The following LIFR variants were observed in gnomAD, a reference collection of about 807,000 sequenced individuals.
LIFR encodes LIF receptor subunit alpha.
Under a neutral mutation model 122.2 loss-of-function variants are expected in LIFR, and 84 were observed. The ratio of observed to expected loss-of-function variants is 0.69; its 90% CI spans 0.58 to 0.82. The LOEUF is 0.82. Among genes scored for constraint, LIFR ranks in the 40% least tolerant of loss-of-function variants. LIFR has a pLI of 0.00. For missense variants in LIFR, 1,294 were observed against 1,311.6 expected, an observed-to-expected ratio of 0.99 and a Z score of 0.21; for synonymous variants, 422 against 434.7, an observed-to-expected ratio of 0.97 and a Z score of 0.36.
rs1284035304 is a variant in LIFR, at chr5:38,479,010, A to T, written c.*2585T>A. The stretch of plus-strand genomic sequence containing the variant: ...ACCACCTTGTAAATGCAGGCATGCA[A>T]CCTTCATTGACAAACAGCGCACATT... On this transcript the variant is annotated 3_prime_UTR_variant, in exon 20 of 20. Coordinates refer to ENST00000453190, the MANE Select transcript of LIFR (RefSeq NM_001127671.2). The T allele has an allele frequency of 8.6e-5, 20 of 231,514 alleles. No homozygotes were observed. In the East Asian group the frequency reaches 1.2e-3, roughly 14 times the overall value. 14.3% of individuals were successfully genotyped at this position (231,514 alleles called of 1,614,324 possible).
chr5:38,516,173 T>C (rs1418461606), intron 5 of LIFR, among the ~76,000 whole-genome samples: 1 of 152,184 alleles, frequency 6.6e-6, no homozygotes, highest in Non-Finnish European at 1.5e-5. Flanking sequence ...TAGAATGAGC[T>C]ATATGGTTTT....
Position 38,484,806 on chromosome 5 carries a change from T to C in LIFR, c.2560A>G (p.Thr854Ala). ...VAVAVIVGVVTSILCYRKREW... is the reference protein window; with the variant it reads ...VAVAVIVGVVASILCYRKREW... ...CGTTTCCGATAGCAAAGGATACTTG[T>C]CACCACTCCAACAATGACAGCCACT... Residue 854 changes from threonine to alanine, a missense_variant, in exon 18 of 20, where the codon ACA becomes GCA. Transcript: ENST00000453190. The C allele has an allele frequency of 6.2e-7, 1 of 1,613,656 alleles. No individual in the cohort carries two copies. Among genetic ancestry groups the C allele is most frequent in the Non-Finnish European group, 8.5e-7 (1 of 1,179,588 alleles).
At chr5:38,505,217 A>T (rs1008533898) in intron 9 of LIFR, among the ~76,000 whole-genome samples, 5 of 152,170 alleles carry the variant, frequency 3.3e-5, no homozygotes, top group African/African-American at 9.7e-5. Flanking sequence ...TTATGTAACA[A>T]TCTCAAACTG....
At chr5:38,605,248 G>A (rs1181474767) in intron 2 of LIFR, among the ~76,000 whole-genome samples, 1 of 152,034 alleles carries the variant, frequency 6.6e-6, no homozygotes, top group African/African-American at 2.4e-5. Context: ...TTGGTTTGCA[G>A]TTTTACGGAC....
rs1468532986 is a variant in LIFR, at chr5:38,481,681, T to C, written c.3208A>G (p.Ile1070Val). The change falls in exon 20 of 20, where the codon ATT becomes GTT. Residue 1070 changes from isoleucine to valine, a missense_variant. Physicochemically the swap from Ile to Val is conservative, Grantham distance 29. Coordinates refer to ENST00000453190, the MANE Select transcript of LIFR (RefSeq NM_001127671.2). ...GGAGAGTCTTCATCTTTAGGAGGAA[T>C]CAAAAATTGTCGGGAATTAATGGAG... ...PCSINSRQFL[I>V]PPKDEDSPKS... 6.2e-7 allele frequency: 1 copy of C among 1,614,158 alleles called. No individual in the cohort carries two copies. The highest frequency in any genetic ancestry group is 1.7e-5 in the Admixed American group (1 of 60,020).
chr5:38,521,519 G>A (rs943249404), intron 5 of LIFR, among the ~76,000 whole-genome samples: 1 of 152,156 alleles, frequency 6.6e-6, no homozygotes, highest in Non-Finnish European at 1.5e-5. Flanking sequence ...GTGGTAAGCC[G>A]AGTATGCCTG....
chr5:38,603,467 A>T (rs1750261723), intron 2 of LIFR, among the ~76,000 whole-genome samples: 1 of 152,212 alleles, frequency 6.6e-6, no homozygotes, highest in South Asian at 2.1e-4. Flanking sequence ...GAGCTCAGAG[A>T]AGTCTTTCAG....
At chr5:38,587,671 G>A (rs1044204393) in intron 1 of LIFR, among the ~76,000 whole-genome samples, 2 of 152,094 alleles carry the variant, frequency 1.3e-5, no homozygotes, top group African/African-American at 4.8e-5. Context: ...GGACAAATAG[G>A]GAGAAGAATG....
intron 3 of LIFR, 136 bp downstream of exon 3, chr5:38,528,590 G>A (rs1746816039): frequency 4.3e-6 from 3 of 703,000 alleles, no homozygotes; most frequent in Non-Finnish European, 7.8e-6. Flanking sequence ...ATGAGGCAGA[G>A]GTCACGGCAG....
At chr5:38,526,406 C>T (rs955024073) in intron 4 of LIFR, among the ~76,000 whole-genome samples, 3 of 145,608 alleles carry the variant, frequency 2.1e-5, no homozygotes, top group Admixed American at 7.1e-5. Flanking sequence ...ATGGTAAGTA[C>T]AAACTTTACT....
upstream of LIFR, among the ~76,000 whole-genome samples, chr5:38,559,975 C>G (rs982386999): frequency 6.6e-6 from 1 of 152,112 alleles, no homozygotes; most frequent in Non-Finnish European, 1.5e-5. Context: ...AATGAAAGTT[C>G]TGGAAATGAA....
chr5:38,593,735 G>C (rs1446781121), intron 1 of LIFR, among the ~76,000 whole-genome samples: 1 of 152,158 alleles, frequency 6.6e-6, no homozygotes, highest in Non-Finnish European at 1.5e-5. Context: ...TGAGGGTAGA[G>C]GCCTCATGAG....
At chr5:38,498,600 A>G (rs1745010967) in intron 12 of LIFR, among the ~76,000 whole-genome samples, 1 of 152,246 alleles carries the variant, frequency 6.6e-6, no homozygotes, top group African/African-American at 2.4e-5. Flanking sequence ...CGGCACCATC[A>G]GCATAGATAA....
chr5:38,529,797 A>T (rs560892877), intron 2 of LIFR, among the ~76,000 whole-genome samples: 2 of 152,334 alleles, frequency 1.3e-5, no homozygotes, highest in African/African-American at 4.8e-5. Context: ...GCAATAAATT[A>T]TACGGCTATT....
At chr5:38,523,746 A>G (rs1383139071) in intron 4 of LIFR, among the ~76,000 whole-genome samples, 164 bp from the exon 5 acceptor site, 1 of 152,230 alleles carries the variant, frequency 6.6e-6, no homozygotes, top group African/African-American at 2.4e-5. Context: ...AAGGACATGG[A>G]CTGAGATGCC....
chr5:38,598,304 T>C (rs1211334863), upstream of LIFR, among the ~76,000 whole-genome samples: 2 of 140,176 alleles, frequency 1.4e-5, no homozygotes, highest in Non-Finnish European at 3.0e-5. Flanking sequence ...TGGAGTACAA[T>C]GGTGCAATCT....
chr5:38,510,493 T>C lies in LIFR; in HGVS notation c.962A>G (p.Asn321Ser), dbSNP rs202224745. 8 of 1,613,610 alleles carry C rather than the reference T, an allele frequency of 5.0e-6. No individual in the cohort carries two copies. Among genetic ancestry groups the C allele is most frequent in the South Asian group, 1.1e-5 (1 of 91,082 alleles). Reference protein sequence around the residue: ...GTNVVFTTEDNIFGTVIFAGY... With the variant: ...GTNVVFTTEDSIFGTVIFAGY... ...AGCAAAAATAACGGTTCCAAATATG[T>C]TATCTTCGGTTGTAAAAACTACATT... Residue 321 changes from asparagine (N) to serine (S), a missense_variant, in exon 7 of 20, where the codon AAC (asparagine) becomes AGC (serine). Transcript: ENST00000453190.
chr5:38,511,329 C>T (rs566704362), intron 6 of LIFR, among the ~76,000 whole-genome samples: 4 of 152,198 alleles, frequency 2.6e-5, no homozygotes, highest in South Asian at 2.1e-4. Context: ...GCCCCCTATT[C>T]GAAACTGCCA....
intron 3 of LIFR, among the ~76,000 whole-genome samples, chr5:38,527,636 C>CG (rs560680298): frequency 1.5e-3 from 230 of 152,266 alleles, no homozygotes; most frequent in Non-Finnish European, 2.9e-3. Flanking sequence ...ACCAGTGCAT[C>CG]ACAGCGCTCC....
Sources: allele counts gnomAD v4.1 joint callset (sites outside exome capture counted in the v4.1 genomes callset), GRCh38; gene constraint gnomAD v4.1.1; transcripts MANE v1.5; gene names NCBI Gene and HGNC (gene_info 2026-07-23, HGNC 2026-07-21).